ST3GAL5: variants seen among roughly 807,000 people sequenced by gnomAD.
The protein encoded by ST3GAL5 is lactosylceramide alpha-2,3-sialyltransferase.
ST3GAL5 carries 25 observed loss-of-function variants against 46.1 expected under a neutral mutation model. The observed-to-expected ratio is 0.54, with a 90% CI of 0.40 to 0.76. The LOEUF is 0.76. Among genes scored for constraint, ST3GAL5 ranks in the 30% least tolerant of loss-of-function variants. ST3GAL5 has a pLI of 0.00. For missense variants in ST3GAL5, 431 were observed against 521.2 expected (o/e 0.83, Z 1.69); for synonymous variants, 182 against 192.7 (o/e 0.94, Z 0.46).
upstream of ST3GAL5, chr2:85,889,001 G>T: frequency 1.0e-6 from 1 of 953,024 alleles, no homozygotes; most frequent in Non-Finnish European, 1.3e-6. Context: ...GGGGGCCGCC[G>T]CTCCCCCGCT....
intron 1 of ST3GAL5, chr2:85,867,750 T>C (rs191592976): frequency 5.5e-6 from 4 of 730,284 alleles, no homozygotes; most frequent in African/African-American, 1.7e-5. Context: ...CTCAGGAAAA[T>C]GCAAGAATTT....
At chr2:85,886,461 T>C (rs933128179) in intron 1 of ST3GAL5, among the ~76,000 whole-genome samples, 2 of 151,922 alleles carry the variant, frequency 1.3e-5, no homozygotes, top group Non-Finnish European at 2.9e-5. Context: ...AAGTGCTGAG[T>C]GCATGGGCAT....
intron 1 of ST3GAL5, among the ~76,000 whole-genome samples, chr2:85,879,282 G>A (rs1364319738): frequency 6.6e-6 from 1 of 152,184 alleles, no homozygotes; most frequent in Non-Finnish European, 1.5e-5. Context: ...CAAGCCAGGA[G>A]GGGCTATTAT....
intron 1 of ST3GAL5, among the ~76,000 whole-genome samples, chr2:85,883,215 G>A (rs1236054501): frequency 1.3e-5 from 2 of 152,188 alleles, no homozygotes; most frequent in Non-Finnish European, 2.9e-5. Flanking sequence ...TGTTGTGGGA[G>A]GGACCCGGGG....
Position 85,839,712 on chromosome 2 carries a change from C to T in ST3GAL5, c.*432G>A, listed in dbSNP as rs753191965. 3.8e-4 allele frequency: 113 copies of T among 295,682 alleles called. No homozygotes were observed. The highest frequency in any genetic ancestry group is 1.2e-3 in the Middle Eastern group (1 of 810). The allele number at this position is 295,682 out of a possible 1,614,324, so 18.3% of individuals were successfully genotyped here. A position where few individuals can be genotyped will look rare whatever the true frequency, so the allele number is the denominator to read the frequency against. On this transcript the variant is annotated 3_prime_UTR_variant, in exon 7 of 7. Coordinates refer to ENST00000638572, the MANE Select transcript of ST3GAL5 (RefSeq NM_003896.4). ...CACGTCATCCTGGGAGTGGATCCTC[C>T]GTGGGTCACACCAAGCAGCGCAGCA... is the stretch of plus-strand genomic sequence containing the variant.
intron 1 of ST3GAL5, among the ~76,000 whole-genome samples, chr2:85,885,807 G>A (rs368109582): frequency 5.3e-5 from 8 of 150,996 alleles, no homozygotes; most frequent in East Asian, 3.9e-4. Flanking sequence ...CCTGGGCGAC[G>A]GCGAGACTCT....
rs1208929425 is a variant in ST3GAL5 at position 85,846,381 on chromosome 2, G to T, written c.845C>A (p.Thr282Asn). 1.2e-6 allele frequency: 2 copies of T among 1,613,718 alleles called. No homozygotes were observed. The highest frequency in any genetic ancestry group is 2.2e-5 in the East Asian group (1 of 44,894). The change falls in exon 5 of 7, where the codon ACC becomes AAC. Residue 282 changes from threonine (T) to asparagine (N), a missense_variant. Coordinates refer to ENST00000638572, the MANE Select transcript of ST3GAL5 (RefSeq NM_003896.4). ...NWLQAMVKKE[T>N]LPFWVRLFFW... The stretch of plus-strand genomic sequence containing the variant: ...AATAGAAGTATTAGTGCTTACCAGG[G>T]TTTCCTTTTTTACCATTGCTTGAAG...
chr2:85,842,626 AACAG>A (rs1342153382), intron 6 of ST3GAL5, among the ~76,000 whole-genome samples: 4 of 152,214 alleles, frequency 2.6e-5, no homozygotes, highest in African/African-American at 4.8e-5. Context: ...CAGTTCAACT[AACAG>A]ACAGATTATA....
rs911256300 is a variant in ST3GAL5, at chr2:85,838,388, C to A, written c.*1756G>T. The A allele has an allele frequency of 4.6e-5, 7 of 152,152 alleles. No homozygotes were observed. The highest frequency in any genetic ancestry group is 1.2e-4 in the African/African-American group (5 of 41,430). 9.4% of individuals were successfully genotyped at this position (152,152 alleles called of 1,614,324 possible). On this transcript the variant is annotated 3_prime_UTR_variant, in exon 7 of 7. Coordinates refer to ENST00000638572, the MANE Select transcript of ST3GAL5 (RefSeq NM_003896.4). The stretch of plus-strand genomic sequence containing the variant: ...GAAGTTCCGGCTTCTCCAATAACCC[C>A]CTGAGGGATGTAGGGGTGGAGCTGT...
intron 1 of ST3GAL5, chr2:85,870,139 CA>C (rs753395458): frequency 5.0e-5 from 23 of 463,238 alleles, no homozygotes; most frequent in Non-Finnish European, 9.5e-5. Context: ...AATCATGAGA[CA>C]TGTGATTCTT....
chr2:85,841,039 TAAA>T (rs995086327), intron 6 of ST3GAL5, among the ~76,000 whole-genome samples: 4 of 96,366 alleles, frequency 4.2e-5, no homozygotes, highest in African/African-American at 1.6e-4. Flanking sequence ...AAAAAAAAAA[TAAA>T]AAAAAAAGCC....
rs1209412116 is a variant in ST3GAL5 at position 85,840,254 on chromosome 2, T to C, written c.1147A>G (p.Met383Val). 4.3e-6 allele frequency: 7 copies of C among 1,614,098 alleles called. No homozygotes were observed. Among genetic ancestry groups the C allele is most frequent in the South Asian group, 3.3e-5 (3 of 91,092 alleles). ...ACATTATGCATGGTCTGAAAGTTCA[T>C]AGCAGCCATGCATTGACTGTCGAAG... is the stretch of plus-strand genomic sequence containing the variant. ...HYFDSQCMAA[M>V]NFQTMHNVTT... Residue 383 changes from methionine to valine, a missense_variant, in exon 7 of 7, where the codon ATG becomes GTG. Physicochemically the swap from Met to Val is conservative, Grantham distance 21 (BLOSUM62 1). Coordinates refer to ENST00000638572, the MANE Select transcript of ST3GAL5 (RefSeq NM_003896.4).
intron 1 of ST3GAL5, chr2:85,866,146 A>T (rs150846517): frequency 6.6e-6 from 1 of 152,228 alleles, no homozygotes; most frequent in East Asian, 1.9e-4. Context: ...CCTCTCACCT[A>T]AGCCCAGACC....
chr2:85,844,536 A>G lies in ST3GAL5; in HGVS notation c.868T>C (p.Phe290Leu), dbSNP rs1682533467. Residue 290 changes from phenylalanine to leucine, a missense_variant, in exon 6 of 7, where the codon TTC becomes CTC. Transcript: ENST00000638572. The stretch of plus-strand genomic sequence containing the variant: ...TTTTCTGCCACCTGCTTCCAAAAGA[A>G]GAGTCGTACCCAGAATGGCTAAGGA... ...KETLPFWVRL[F>L]FWKQVAEKIP... The G allele has an allele frequency of 6.2e-7, 1 of 1,614,024 alleles. No individual in the cohort carries two copies. The highest frequency in any genetic ancestry group is 8.5e-7 in the Non-Finnish European group (1 of 1,180,040).
intron 1 of ST3GAL5, among the ~76,000 whole-genome samples, chr2:85,875,257 G>A (rs1178316112): frequency 2.0e-5 from 3 of 151,356 alleles, no homozygotes; most frequent in African/African-American, 7.3e-5. Context: ...TAGAGTCTAA[G>A]CTTTATTGCC....
At chr2:85,842,297 T>C (rs542454889) in intron 6 of ST3GAL5, among the ~76,000 whole-genome samples, 12 of 152,330 alleles carry the variant, frequency 7.9e-5, no homozygotes, top group Non-Finnish European at 1.5e-4. Context: ...TCTCCAACCA[T>C]GTACCCCCAG....
chr2:85,888,428 G>C (rs75051766), intron 1 of ST3GAL5: 55 of 156,882 alleles, frequency 3.5e-4, no homozygotes, highest in Middle Eastern at 5.7e-3. Flanking sequence ...GGAGCTGCTA[G>C]TAACCTTGCA....
rs1315936073 is a variant in ST3GAL5, at chr2:85,851,473, G to C, written c.319-3269C>G. On this transcript the variant is annotated intron_variant, in intron 3 of 6. Transcript: ENST00000638572. ...CAGAACTCCATCTCATAGCCACTCA[G>C]AACAGGAGGACCACATGGGCCATGT... 38 of 1,267,056 alleles carry C rather than the reference G, an allele frequency of 3.0e-5. No homozygotes were observed. The East Asian group carries it at 1.7e-3, about 58-fold the overall frequency. The allele number at this position is 1,267,056 out of a possible 1,614,324, so 78.5% of individuals were successfully genotyped here.
chr2:85,877,593 G>A (rs1686721458), intron 1 of ST3GAL5, among the ~76,000 whole-genome samples: 1 of 152,218 alleles, frequency 6.6e-6, no homozygotes, highest in Admixed American at 6.5e-5. Flanking sequence ...TAGATGCCAG[G>A]TTCTTCCACT....
Sources: allele counts gnomAD v4.1 joint callset (sites outside exome capture counted in the v4.1 genomes callset), GRCh38; gene constraint gnomAD v4.1.1; transcripts MANE v1.5; gene names NCBI Gene and HGNC (gene_info 2026-07-23, HGNC 2026-07-21).